GRB10: variants seen among roughly 807,000 people sequenced by gnomAD.
GRB10 encodes growth factor receptor-bound protein 10.
GRB10 carries 20 observed loss-of-function variants against 80.9 expected under a neutral mutation model. The observed-to-expected ratio is 0.25, with a 90% CI of 0.17 to 0.36. GRB10 has a LOEUF of 0.36. Ranked by LOEUF, GRB10 falls within the 10% of genes least tolerant of loss-of-function variation. GRB10 has a pLI of 1.00. For missense variants in GRB10, 548 were observed against 747.7 expected, an observed-to-expected ratio of 0.73 and a Z score of 3.12; for synonymous variants, 291 against 291.5, an observed-to-expected ratio of 1.00 and a Z score of 0.02.
chr7:50,741,728 A>G (rs2071789498), intron 3 of GRB10, among the ~76,000 whole-genome samples: 1 of 152,016 alleles, frequency 6.6e-6, no homozygotes, highest in African/African-American at 2.4e-5. Context: ...AAGAAGAAAA[A>G]CTCATGCCAT....
chr7:50,734,785 T>C (rs551026638), intron 3 of GRB10, among the ~76,000 whole-genome samples: 1 of 152,302 alleles, frequency 6.6e-6, no homozygotes, highest in South Asian at 2.1e-4. Flanking sequence ...TATAGTTAGA[T>C]ACAGTAAGAG....
rs73349034 is a variant in GRB10 at position 50,704,350 on chromosome 7, G to C, written c.52-442C>G. On this transcript the variant is annotated intron_variant, in intron 4 of 18. Coordinates refer to ENST00000401949, the MANE Select transcript of GRB10 (RefSeq NM_001350814.2). ...ATGGTTCCCTCTACAAAATGTTAAG[G>C]AGCTCAGTGGCATTTTTTTAGACAT... Among the ~76,000 whole-genome samples, 437 of 152,328 alleles carry C rather than the reference G, an allele frequency of 2.9e-3. 2 individuals carry two copies. The highest frequency in any genetic ancestry group is 0.01 in the African/African-American group (416 of 41,564).
At chr7:50,769,490 T>C (rs1481558414) in intron 2 of GRB10, among the ~76,000 whole-genome samples, 2 of 152,204 alleles carry the variant, frequency 1.3e-5, no homozygotes, top group African/African-American at 4.8e-5. Context: ...CCATCCTTCC[T>C]GACAGAGGAA....
intron 4 of GRB10, among the ~76,000 whole-genome samples, chr7:50,729,960 C>T (rs566864768): frequency 6.6e-6 from 1 of 152,190 alleles, no homozygotes; most frequent in South Asian, 2.1e-4. Flanking sequence ...AGATCACAGC[C>T]CTTGACTCAG....
intron 5 of GRB10, among the ~76,000 whole-genome samples, chr7:50,687,820 C>A (rs2062290185): frequency 6.6e-6 from 1 of 152,226 alleles, no homozygotes; most frequent in African/African-American, 2.4e-5. Context: ...GGGAAGATTT[C>A]TATTTCCAAA....
intron 7 of GRB10, among the ~76,000 whole-genome samples, chr7:50,665,621 C>T (rs1354119731): frequency 6.6e-6 from 1 of 152,220 alleles, no homozygotes; most frequent in Non-Finnish European, 1.5e-5. Context: ...GGGCGGGTGC[C>T]ACCCCACGTG....
chr7:50,770,758 C>A (rs555252667), intron 2 of GRB10, among the ~76,000 whole-genome samples: 311 of 28,120 alleles, frequency 0.011, no homozygotes, highest in Admixed American at 0.021. Flanking sequence ...TGACACTCTT[C>A]CCATTTTTTT....
At chr7:50,791,860 A>G (rs993432010) in intron 1 of GRB10, among the ~76,000 whole-genome samples, 13 of 151,750 alleles carry the variant, frequency 8.6e-5, no homozygotes, top group African/African-American at 2.9e-4. Context: ...GTTGGTTTTC[A>G]GTGCTTTTAC....
intron 2 of GRB10, among the ~76,000 whole-genome samples, chr7:50,777,771 T>C (rs1015427582): frequency 1.3e-5 from 2 of 152,140 alleles, no homozygotes; most frequent in Non-Finnish European, 2.9e-5. Flanking sequence ...TGCAGGGACA[T>C]GGATGAAGCT....
At chr7:50,692,074 CTT>C (rs774251130) in intron 5 of GRB10, among the ~76,000 whole-genome samples, 29 of 152,152 alleles carry the variant, frequency 1.9e-4, no homozygotes, top group Non-Finnish European at 3.5e-4. Context: ...AGACTTTTCT[CTT>C]GTCATTATTC....
At chr7:50,708,652 T>A (rs1563535823) in intron 4 of GRB10, among the ~76,000 whole-genome samples, 1 of 147,868 alleles carries the variant, frequency 6.8e-6, no homozygotes, top group Non-Finnish European at 1.5e-5. Flanking sequence ...GGGAAGGGAA[T>A]GGGGGAGGCC....
intron 8 of GRB10, among the ~76,000 whole-genome samples, chr7:50,619,929 C>G (rs778896264): frequency 8.3e-6 from 1 of 120,222 alleles, no homozygotes; most frequent in Non-Finnish European, 2.1e-5. Context: ...GACACGTACA[C>G]ACACACACAT....
intron 5 of GRB10, among the ~76,000 whole-genome samples, chr7:50,683,840 G>A (rs2061805843): frequency 1.3e-5 from 2 of 152,152 alleles, no homozygotes; most frequent in Non-Finnish European, 1.5e-5. Flanking sequence ...AAAAACAAAC[G>A]CAGTTTTTAA....
Position 50,734,542 on chromosome 7 carries a change from T to G in GRB10, c.-46-2174A>C, listed in dbSNP as rs190118315. The stretch of plus-strand genomic sequence containing the variant: ...TCCGTGGAGACTCACTGGCCCTCAC[T>G]AATATGCCTTCTGGAATTCCTGGAT... On this transcript the variant is annotated intron_variant, in intron 3 of 18. Coordinates refer to ENST00000401949, the MANE Select transcript of GRB10 (RefSeq NM_001350814.2). 2.9e-3 allele frequency among the ~76,000 whole-genome samples: 441 copies of G among 152,334 alleles called. 6 individuals carry two copies. The highest frequency in any genetic ancestry group is 2.9e-3 in the Non-Finnish European group (196 of 68,036).
chr7:50,699,430 T>C (rs1235311291), intron 5 of GRB10, among the ~76,000 whole-genome samples: 1 of 152,230 alleles, frequency 6.6e-6, no homozygotes, highest in Non-Finnish European at 1.5e-5. Flanking sequence ...TTTTCAGTAC[T>C]AGTTGAGTAC....
chr7:50,786,063 G>A (rs1219665584), upstream of GRB10, among the ~76,000 whole-genome samples: 1 of 152,048 alleles, frequency 6.6e-6, no homozygotes, highest in Non-Finnish European at 1.5e-5. Context: ...ACCTGAAACT[G>A]CTCTAAAGTC....
intron 3 of GRB10, among the ~76,000 whole-genome samples, chr7:50,750,987 G>A (rs1209518174): frequency 1.3e-5 from 2 of 152,160 alleles, no homozygotes; most frequent in East Asian, 3.9e-4. Flanking sequence ...TGCTCTGAGG[G>A]TCCACAGTGG....
At chr7:50,765,251 C>G (rs921852617) in intron 2 of GRB10, among the ~76,000 whole-genome samples, 1 of 152,196 alleles carries the variant, frequency 6.6e-6, no homozygotes, top group African/African-American at 2.4e-5. Context: ...CCATGGAGAA[C>G]AATATGGAGG....
At chr7:50,609,108 G>T (rs991572615) in intron 13 of GRB10, among the ~76,000 whole-genome samples, 1 of 152,072 alleles carries the variant, frequency 6.6e-6, no homozygotes, top group African/African-American at 2.4e-5. Context: ...ATACAAGAGA[G>T]GTGGGACAAC....
Sources: allele counts gnomAD v4.1 joint callset (sites outside exome capture counted in the v4.1 genomes callset), GRCh38; gene constraint gnomAD v4.1.1; transcripts MANE v1.5; gene names NCBI Gene and HGNC (gene_info 2026-07-23, HGNC 2026-07-21).